Variants in DSTN observed in about 807,000 individuals in gnomAD.
The protein encoded by DSTN is destrin, actin depolymerizing factor.
Under a neutral mutation model 16.8 loss-of-function variants are expected in DSTN, and 10 were observed. The ratio of observed to expected loss-of-function variants is 0.60; its 90% confidence interval spans 0.37 to 1.01. The LOEUF (loss-of-function observed/expected upper bound fraction) is 1.01. DSTN is among the 50% of genes least tolerant of loss of function. The pLI is 0.01. For synonymous variants in DSTN, 57 were observed against 58.9 expected, an observed-to-expected ratio of 0.97 and a Z score of 0.14; for missense variants, 141 against 196.7, an observed-to-expected ratio of 0.72 and a Z score of 1.69.
intron 1 of DSTN, among the ~76,000 whole-genome samples, chr20:17,598,419 AG>A (rs2035551508): frequency 6.6e-6 from 1 of 152,088 alleles, no homozygotes; most frequent in Non-Finnish European, 1.5e-5. Context: ...TGAAGTGAAG[AG>A]GTATCTCATT....
chr20:17,588,698 G>A lies in DSTN; in HGVS notation c.4-12040G>A, dbSNP rs560659090. Among the ~76,000 whole-genome samples, 1,231 of 152,246 alleles carry A rather than the reference G, an allele frequency of 8.1e-3. 9 individuals carry two copies. The highest frequency in any genetic ancestry group is 0.012 in the Non-Finnish European group (832 of 68,012). On this transcript the variant is annotated intron_variant, in intron 1 of 3. Coordinates refer to ENST00000246069, the MANE Select transcript of DSTN (RefSeq NM_006870.4). ...ACTTGGGAGGCTGAGGCAGGAGAAT[G>A]GCGTGAACCCAGGAGGCAGAGCTTG...
At chr20:17,592,816 T>C (rs2035484117) in intron 1 of DSTN, among the ~76,000 whole-genome samples, 1 of 152,216 alleles carries the variant, frequency 6.6e-6, no homozygotes, top group African/African-American at 2.4e-5. Context: ...TCAACTACAA[T>C]TGATTGCACC....
chr20:17,582,161 C>G (rs1426634358), intron 1 of DSTN, among the ~76,000 whole-genome samples: 1 of 150,676 alleles, frequency 6.6e-6, no homozygotes, highest in Non-Finnish European at 1.5e-5. Context: ...TCACTGCAAC[C>G]TCCGCCTCCT....
At chr20:17,588,218 A>G (rs2035432243) in intron 1 of DSTN, among the ~76,000 whole-genome samples, 1 of 152,182 alleles carries the variant, frequency 6.6e-6, no homozygotes, top group Non-Finnish European at 1.5e-5. Flanking sequence ...ATAAATTTCT[A>G]ACTTGATTGA....
rs775563033 is a variant in DSTN, at chr20:17,604,639, C to A, written c.388+8C>A. The A allele has an allele frequency of 1.2e-6, 2 of 1,610,234 alleles. No individual in the cohort carries two copies. The highest frequency in any genetic ancestry group is 1.1e-5 in the South Asian group (1 of 90,052). On this transcript the variant is annotated splice_region_variant and intron_variant, in intron 3 of 3. Transcript: ENST00000246069. The stretch of plus-strand genomic sequence containing the variant: ...TTAAAAAGAAATTTCAAGGTATGTT[C>A]TAGATGACCTCTGAATATGTAGAGG...
At chr20:17,603,923 CA>C (rs2035612919) in intron 2 of DSTN, among the ~76,000 whole-genome samples, 1 of 152,116 alleles carries the variant, frequency 6.6e-6, no homozygotes, top group Non-Finnish European at 1.5e-5. Context: ...CCTGTGGGAT[CA>C]AAACCTGCTA....
chr20:17,600,632 A>G (rs1258011719), intron 1 of DSTN, 106 bp from the exon 2 acceptor site: 6 of 1,281,170 alleles, frequency 4.7e-6, no homozygotes, highest in Non-Finnish European at 5.2e-6. Context: ...TAGATGATAT[A>G]CCTTTAAAAT....
chr20:17,595,694 G>A (rs1386941777), intron 1 of DSTN, among the ~76,000 whole-genome samples: 1 of 151,996 alleles, frequency 6.6e-6, no homozygotes, highest in Non-Finnish European at 1.5e-5. Context: ...TTTACTCTGT[G>A]ACCCTGGGCA....
At chr20:17,582,920 C>T (rs534488551) in intron 1 of DSTN, among the ~76,000 whole-genome samples, 2 of 152,188 alleles carry the variant, frequency 1.3e-5, no homozygotes, top group Admixed American at 1.3e-4. Flanking sequence ...GAAATGAAAA[C>T]ACAACCCACA....
intron 1 of DSTN, among the ~76,000 whole-genome samples, chr20:17,589,215 C>T (rs575155606): frequency 2.0e-5 from 3 of 151,966 alleles, no homozygotes; most frequent in Admixed American, 1.3e-4. Context: ...CCTCCCTCCC[C>T]CTACTTTTTT....
intron 1 of DSTN, among the ~76,000 whole-genome samples, chr20:17,580,300 T>G (rs1275634548): frequency 1.3e-5 from 2 of 152,208 alleles, no homozygotes; most frequent in Admixed American, 1.3e-4. Flanking sequence ...TCAACAAATA[T>G]TTGAGAGATT....
chr20:17,573,388 T>C (rs1278609283), intron 1 of DSTN, among the ~76,000 whole-genome samples: 1 of 152,160 alleles, frequency 6.6e-6, no homozygotes, highest in African/African-American at 2.4e-5. Flanking sequence ...TGCTGAATTG[T>C]GTTCTTTTGT....
chr20:17,578,821 T>A (rs2035309745), intron 1 of DSTN, among the ~76,000 whole-genome samples: 1 of 151,804 alleles, frequency 6.6e-6, no homozygotes, highest in Non-Finnish European at 1.5e-5. Context: ...ATTAGCCGGG[T>A]GTGGTGGCTC....
chr20:17,585,010 G>A (rs956247907), intron 1 of DSTN, among the ~76,000 whole-genome samples: 5 of 152,038 alleles, frequency 3.3e-5, no homozygotes, highest in African/African-American at 1.2e-4. Context: ...TATTTTCCTA[G>A]AATAAATTCC....
In DSTN at chr20:17,570,077, C is replaced by A; in HGVS notation, c.-132C>A. 7.2e-7 allele frequency: 1 copy of A among 1,384,484 alleles called. No individual in the cohort carries two copies. The highest frequency in any genetic ancestry group is 9.5e-7 in the Non-Finnish European group (1 of 1,048,178). 85.8% of individuals were successfully genotyped at this position (1,384,484 alleles called of 1,614,324 possible). On this transcript the variant is annotated 5_prime_UTR_variant, in exon 1 of 4. Transcript: ENST00000246069. ...GCGTTCCGTCCTGAGGCGCGCCCGC[C>A]CCGGGGTAAGCTCGCGCCGCCGCGT...
intron 1 of DSTN, among the ~76,000 whole-genome samples, chr20:17,594,796 A>G (rs2035507917): frequency 6.6e-6 from 1 of 152,248 alleles, no homozygotes; most frequent in Admixed American, 6.5e-5. Flanking sequence ...GAAAGATGAA[A>G]ATCCAAAGAG....
chr20:17,604,701 G>T, intron 3 of DSTN, 70 bp downstream of exon 3: 1 of 1,442,702 alleles, frequency 6.9e-7, no homozygotes, highest in South Asian at 1.3e-5. Flanking sequence ...CACCTTTTCT[G>T]AGAAGCACCT....
chr20:17,571,801 G>A (rs1414637324), intron 1 of DSTN, among the ~76,000 whole-genome samples: 3 of 152,114 alleles, frequency 2.0e-5, no homozygotes, highest in East Asian at 1.9e-4. Flanking sequence ...TTTAGTTAAA[G>A]CTTAACTAAA....
chr20:17,585,702 C>T (rs2035399520), intron 1 of DSTN, among the ~76,000 whole-genome samples: 1 of 152,044 alleles, frequency 6.6e-6, no homozygotes, highest in Admixed American at 6.6e-5. Flanking sequence ...TAACTACAGC[C>T]ACAGTCAAAA....
Sources: gnomAD v4.1 joint callset for allele counts (sites outside exome capture counted in the v4.1 genomes callset) on GRCh38, gnomAD v4.1.1 for gene constraint, MANE v1.5 for transcripts, NCBI Gene and HGNC (gene_info 2026-07-23, HGNC 2026-07-21) for gene names.